GPC5: variants seen among roughly 807,000 people sequenced by gnomAD.
GPC5 encodes the protein glypican 5.
A neutral mutation model predicts 53.9 loss-of-function variants in GPC5; 47 were observed. That is an observed-to-expected ratio of 0.87 (90% CI 0.69 to 1.11). GPC5 has a LOEUF of 1.11. Ranked by LOEUF, GPC5 falls within the 50% of genes most tolerant of loss-of-function variation. The pLI is 0.00. For synonymous variants in GPC5, 286 were observed against 263.3 expected (o/e 1.09, Z -0.84); for missense variants, 748 against 713.1 (o/e 1.05, Z -0.56).
intron 7 of GPC5, among the ~76,000 whole-genome samples, chr13:92,437,136 GA>G (rs1333290588): frequency 1.3e-5 from 2 of 151,466 alleles, no homozygotes; most frequent in Non-Finnish European, 2.9e-5. Flanking sequence ...ATAGATTTAA[GA>G]GTTGCCTCTG....
chr13:91,962,760 G>A (rs1400819868), intron 6 of GPC5, among the ~76,000 whole-genome samples: 1 of 152,130 alleles, frequency 6.6e-6, no homozygotes, highest in East Asian at 1.9e-4. Context: ...TTAACCATTA[G>A]TTATACCTAC....
chr13:92,597,898 A>C (rs1274647239), intron 7 of GPC5, among the ~76,000 whole-genome samples: 1 of 152,338 alleles, frequency 6.6e-6, no homozygotes, highest in East Asian at 1.9e-4. Flanking sequence ...CAGAATTAAC[A>C]CTTCAGTAGT....
At chr13:91,567,432 G>A (rs757998936) in intron 2 of GPC5, among the ~76,000 whole-genome samples, 15 of 152,152 alleles carry the variant, frequency 9.9e-5, no homozygotes, top group Non-Finnish European at 1.6e-4. Flanking sequence ...TAACACAGAG[G>A]TCAAAGGTTA....
chr13:92,352,050 A>G (rs976018328), intron 7 of GPC5, among the ~76,000 whole-genome samples: 4 of 152,212 alleles, frequency 2.6e-5, no homozygotes, highest in African/African-American at 9.6e-5. Flanking sequence ...GTTAAACCAG[A>G]TGACTTAACT....
At chr13:92,267,175 G>A (rs142818067) in intron 7 of GPC5, among the ~76,000 whole-genome samples, 182 of 151,682 alleles carry the variant, frequency 1.2e-3, no homozygotes, top group African/African-American at 4.3e-3. Context: ...TCAAACATAC[G>A]TTCTTTTTTA....
chr13:92,375,717 G>A (rs1187592071), intron 7 of GPC5, among the ~76,000 whole-genome samples: 1 of 152,198 alleles, frequency 6.6e-6, no homozygotes, highest in Non-Finnish European at 1.5e-5. Flanking sequence ...TCAAGCACAG[G>A]CTGAAGCTGT....
chr13:91,824,360 A>C (rs1268244432), intron 5 of GPC5, among the ~76,000 whole-genome samples: 2 of 152,038 alleles, frequency 1.3e-5, no homozygotes, highest in Non-Finnish European at 2.9e-5. Flanking sequence ...GAGACTGAGG[A>C]AAGAAAGTCT....
At chr13:91,554,733 A>G (rs2030846660) in intron 2 of GPC5, among the ~76,000 whole-genome samples, 1 of 152,076 alleles carries the variant, frequency 6.6e-6, no homozygotes, top group African/African-American at 2.4e-5. Flanking sequence ...GGTGAAGCAT[A>G]GTACTCCGTT....
At chr13:92,522,992 C>T (rs1006394031) in intron 7 of GPC5, among the ~76,000 whole-genome samples, 1 of 152,008 alleles carries the variant, frequency 6.6e-6, no homozygotes, top group Non-Finnish European at 1.5e-5. Flanking sequence ...TTAGACTGTG[C>T]AAGAATGAAC....
At chr13:91,508,592 G>A (rs895393935) in intron 2 of GPC5, among the ~76,000 whole-genome samples, 5 of 152,274 alleles carry the variant, frequency 3.3e-5, no homozygotes, top group Admixed American at 3.3e-4. Context: ...TATTTATTAA[G>A]TGCCTGCTCT....
intron 2 of GPC5, among the ~76,000 whole-genome samples, chr13:91,478,795 TTA>T (rs757436599): frequency 2.9e-4 from 16 of 55,372 alleles, no homozygotes; most frequent in African/African-American, 9.8e-4. Context: ...CCATTTGAGT[TTA>T]TATATATATA....
At chr13:91,609,967 G>A (rs2033498536) in intron 2 of GPC5, among the ~76,000 whole-genome samples, 1 of 152,082 alleles carries the variant, frequency 6.6e-6, no homozygotes, top group African/African-American at 2.4e-5. Context: ...ACCTATTTGT[G>A]TACATTCGTT....
chr13:91,629,378 C>T (rs1004178635), intron 2 of GPC5, among the ~76,000 whole-genome samples: 4 of 151,914 alleles, frequency 2.6e-5, no homozygotes, highest in African/African-American at 7.3e-5. Context: ...CATGATGGCT[C>T]ACGCCTGTAA....
intron 4 of GPC5, among the ~76,000 whole-genome samples, chr13:91,755,986 C>T (rs2037281457): frequency 6.6e-6 from 1 of 151,324 alleles, no homozygotes; most frequent in South Asian, 2.1e-4. Flanking sequence ...ATATACTATT[C>T]CCAACTTCTT....
intron 7 of GPC5, among the ~76,000 whole-genome samples, chr13:92,425,408 T>C (rs758816338): frequency 6.6e-6 from 1 of 152,062 alleles, no homozygotes; most frequent in African/African-American, 2.4e-5. Flanking sequence ...TTGATTGGTT[T>C]CTACATGCCA....
intron 7 of GPC5, among the ~76,000 whole-genome samples, chr13:92,536,839 G>T (rs1037721118): frequency 6.6e-6 from 1 of 151,994 alleles, no homozygotes; most frequent in Non-Finnish European, 1.5e-5. Flanking sequence ...ATAGAAAAAA[G>T]AGTCAAATAC....
Position 91,777,037 on chromosome 13 carries a change from G to A in GPC5, c.1280+20617G>A, listed in dbSNP as rs552719775. On this transcript the variant is annotated intron_variant, in intron 5 of 7. Coordinates refer to ENST00000377067, the MANE Select transcript of GPC5 (RefSeq NM_004466.6). ...CTTCCTGCTAACCTTTAACCCTAAC[G>A]ACTGTGCATAATTTATTATCCTATA... Among the ~76,000 whole-genome samples the A allele has an allele frequency of 7.5e-4, 114 of 152,156 alleles. 5 individuals are homozygous for A. The South Asian group carries it at 0.023, about 31-fold the overall frequency.
At chr13:91,425,919 T>A (rs1274969969) in intron 1 of GPC5, among the ~76,000 whole-genome samples, 1 of 152,140 alleles carries the variant, frequency 6.6e-6, no homozygotes, top group African/African-American at 2.4e-5. Flanking sequence ...AAGTCTAGGC[T>A]AAGGTGGTCT....
chr13:92,114,475 G>A (rs2041584471), intron 6 of GPC5, among the ~76,000 whole-genome samples: 1 of 152,166 alleles, frequency 6.6e-6, no homozygotes, highest in Non-Finnish European at 1.5e-5. Context: ...GGATAAGAGG[G>A]AAGCCACGAC....
Sources: gnomAD v4.1 joint callset for allele counts (sites outside exome capture counted in the v4.1 genomes callset) on GRCh38, gnomAD v4.1.1 for gene constraint, MANE v1.5 for transcripts, NCBI Gene and HGNC (gene_info 2026-07-23, HGNC 2026-07-21) for gene names.